Variants in SCRG1 observed in about 807,000 individuals in gnomAD.
The protein encoded by SCRG1 is scrapie-responsive protein 1.
In SCRG1, 3 loss-of-function variants were observed where a neutral mutation model predicts 7.7. That is an observed-to-expected ratio of 0.39 (90% CI 0.18 to 1.01). SCRG1 has a LOEUF of 1.01. Among genes scored for constraint, SCRG1 ranks in the 50% least tolerant of loss-of-function variants. SCRG1 has a pLI of 0.36. For synonymous variants in SCRG1, 46 were observed against 41.2 expected (o/e 1.12, Z -0.44); for missense variants, 110 against 117.2 (o/e 0.94, Z 0.28).
chr4:173,429,807 T>C, the SCRG1 span, among the ~76,000 whole-genome samples: 2 of 152,236 alleles, frequency 1.3e-5, no homozygotes, highest in Non-Finnish European at 2.9e-5. Context: ...TCCAAAGGAA[T>C]CCTGACATAT....
chr4:173,483,384 T>A, the SCRG1 span, among the ~76,000 whole-genome samples: 13 of 41,386 alleles, frequency 3.1e-4, 1 homozygote, highest in African/African-American at 9.2e-4. Context: ...ATATTATATA[T>A]TATATATTAT....
the SCRG1 span, among the ~76,000 whole-genome samples, chr4:173,503,801 C>G: frequency 6.6e-6 from 1 of 152,166 alleles, no homozygotes; most frequent in Non-Finnish European, 1.5e-5. The surrounding 1 kb of genome is among the most constrained non-coding windows in gnomAD (Gnocchi z 6.4). Flanking sequence ...CGCGATGTCC[C>G]TAATTCTATG....
In SCRG1 at chr4:173,387,682, C is replaced by A. The variant is rs1739278499; in HGVS notation, c.*659G>T. 1.3e-5 allele frequency: 2 copies of A among 149,736 alleles called. No individual in the cohort carries two copies. 9.3% of individuals were successfully genotyped at this position (149,736 alleles called of 1,614,324 possible). A position where few individuals can be genotyped will look rare whatever the true frequency, so the allele number is the denominator to read the frequency against. ...TAAAGTTATTAGCATACATAATATA[C>A]CCTCAAATATTGTTCCCTTTTCCTT... On this transcript the variant is annotated 3_prime_UTR_variant, in exon 3 of 3. Transcript: ENST00000296506.
At chr4:173,483,780 T>TGTA in the SCRG1 span, among the ~76,000 whole-genome samples, 11 of 74,172 alleles carry the variant, frequency 1.5e-4, 1 homozygote, top group African/African-American at 5.6e-4. Flanking sequence ...ATATATGATA[T>TGTA]ATCATATATC....
the SCRG1 span, among the ~76,000 whole-genome samples, chr4:173,494,285 C>T: frequency 6.6e-6 from 1 of 152,146 alleles, no homozygotes; most frequent in Non-Finnish European, 1.5e-5. Flanking sequence ...TCCCCCGAAT[C>T]AAAACCCACT....
the SCRG1 span, among the ~76,000 whole-genome samples, chr4:173,504,976 T>A: frequency 6.6e-6 from 1 of 152,254 alleles, no homozygotes; most frequent in Non-Finnish European, 1.5e-5. The surrounding 1 kb of genome is among the most constrained non-coding windows in gnomAD (Gnocchi z 4.7). Context: ...GCCTTGATTG[T>A]CACCACTGAA....
At chr4:173,479,086 T>G in the SCRG1 span, among the ~76,000 whole-genome samples, 8 of 152,312 alleles carry the variant, frequency 5.3e-5, no homozygotes, top group African/African-American at 1.9e-4. Flanking sequence ...AATTTTATTA[T>G]GGATGACAGC....
the SCRG1 span, chr4:173,419,629 A>G: frequency 2.7e-6 from 2 of 731,102 alleles, no homozygotes; most frequent in South Asian, 2.8e-5. Flanking sequence ...GGATAGACAA[A>G]CCAAGGAATC....
the SCRG1 span, among the ~76,000 whole-genome samples, chr4:173,421,009 A>C: frequency 2.0e-5 from 3 of 152,284 alleles, no homozygotes; most frequent in East Asian, 5.8e-4. Flanking sequence ...AAAAAACAGC[A>C]GACCACAAAT....
rs548575930 is a variant in SCRG1, at chr4:173,396,202, T to G, written c.-15+2866A>C. Among the ~76,000 whole-genome samples, 35 of 152,340 alleles carry G rather than the reference T, an allele frequency of 2.3e-4. No individual in the cohort carries two copies. In the East Asian group the frequency reaches 3.5e-3, roughly 15 times the overall value. On this transcript the variant is annotated intron_variant, in intron 1 of 2. Coordinates refer to ENST00000296506, the MANE Select transcript of SCRG1 (RefSeq NM_007281.4). Reference sequence around the variant, plus strand: ...GCCAATTTTGGGGGGAATCCAGAAATGAGTTTTTAGACAAGTTAGGTTTGA... The same window carrying G: ...GCCAATTTTGGGGGGAATCCAGAAAGGAGTTTTTAGACAAGTTAGGTTTGA...
the SCRG1 span, among the ~76,000 whole-genome samples, chr4:173,477,706 CCTTCCTTCCTTCCTTCCTT>C: frequency 4.4e-4 from 1 of 2,248 alleles, no homozygotes; most frequent in East Asian, 0.017. Context: ...CTTTTTTTTC[CCTTCCTTCCTTCCTTCCTT>C]CCTTCCTTCC....
the SCRG1 span, among the ~76,000 whole-genome samples, chr4:173,434,855 A>T: frequency 6.6e-6 from 1 of 152,158 alleles, no homozygotes; most frequent in Non-Finnish European, 1.5e-5. Context: ...AATATAAAAA[A>T]TAACTAAATT....
the SCRG1 span, among the ~76,000 whole-genome samples, chr4:173,436,201 G>A: frequency 1.1e-3 from 171 of 152,270 alleles, no homozygotes; most frequent in African/African-American, 3.8e-3. Flanking sequence ...TTCTGGATTT[G>A]ATCAGGAAAT....
the SCRG1 span, among the ~76,000 whole-genome samples, chr4:173,440,614 T>C: frequency 6.6e-6 from 1 of 152,208 alleles, no homozygotes; most frequent in Non-Finnish European, 1.5e-5. Flanking sequence ...GTGTTGGGCA[T>C]AGGTGGATGT....
chr4:173,437,083 A>C, the SCRG1 span, among the ~76,000 whole-genome samples: 4 of 152,360 alleles, frequency 2.6e-5, no homozygotes, highest in East Asian at 7.7e-4. Context: ...CATAAAAGGC[A>C]GTCTCTATGT....
At chr4:173,481,769 C>T in the SCRG1 span, among the ~76,000 whole-genome samples, 8 of 152,104 alleles carry the variant, frequency 5.3e-5, no homozygotes, top group Non-Finnish European at 1.2e-4. Flanking sequence ...TTTTCTCTAG[C>T]TTACTTTACT....
the SCRG1 span, among the ~76,000 whole-genome samples, chr4:173,429,522 C>T: frequency 1.3e-5 from 2 of 152,132 alleles, no homozygotes; most frequent in Non-Finnish European, 2.9e-5. Flanking sequence ...GTCTCAAACT[C>T]CTGGCATCAA....
the SCRG1 span, chr4:173,446,503 TGG>T: frequency 6.6e-6 from 1 of 152,206 alleles, no homozygotes; most frequent in African/African-American, 2.4e-5. Context: ...GTTTTGGTTT[TGG>T]AGGAGGAGTT....
chr4:173,419,618 G>A, the SCRG1 span: 2 of 727,804 alleles, frequency 2.7e-6, no homozygotes, highest in Non-Finnish European at 5.0e-6. Flanking sequence ...GGTACTGTGA[G>A]GGATAGACAA....
Sources: allele counts gnomAD v4.1 joint callset (sites outside exome capture counted in the v4.1 genomes callset), GRCh38; gene constraint gnomAD v4.1.1; non-coding constraint Gnocchi (gnomAD v3.1); transcripts MANE v1.5; gene names NCBI Gene and HGNC (gene_info 2026-07-23, HGNC 2026-07-21).